Variants in LPP observed in about 807,000 individuals in gnomAD.
LPP encodes LIM domain containing preferred translocation partner in lipoma.
LPP carries 38 observed loss-of-function variants against 60.4 expected under a neutral mutation model. The ratio of observed to expected loss-of-function variants is 0.63; its 90% CI spans 0.49 to 0.83. LPP has a LOEUF of 0.83. Among genes scored for constraint, LPP ranks in the 40% least tolerant of loss-of-function variants. The pLI is 0.00. For synonymous variants in LPP, 328 were observed against 290.8 expected (o/e 1.13, Z -1.30); for missense variants, 902 against 783.6 (o/e 1.15, Z -1.80).
chr3:188,164,256 A>G (rs986852724), intron 1 of LPP, among the ~76,000 whole-genome samples: 1 of 152,130 alleles, frequency 6.6e-6, no homozygotes, highest in African/African-American at 2.4e-5. Flanking sequence ...TTAAGGAATA[A>G]GATTGGTTCT....
intron 6 of LPP, among the ~76,000 whole-genome samples, chr3:188,589,009 G>A (rs7618261): frequency 0.95 from 144,747 of 152,024 alleles, 69,315 homozygotes; most frequent in East Asian, 1. Flanking sequence ...CTGGTGTGTG[G>A]ACTTCTTGAG....
intron 2 of LPP, among the ~76,000 whole-genome samples, chr3:188,263,148 C>G (rs1235942083): frequency 6.6e-6 from 1 of 152,146 alleles, no homozygotes; most frequent in Non-Finnish European, 1.5e-5. Flanking sequence ...CAGATGGGAA[C>G]AAACTATTCC....
intron 2 of LPP, among the ~76,000 whole-genome samples, chr3:188,334,578 G>A (rs183204761): frequency 7.9e-4 from 120 of 151,796 alleles, no homozygotes; most frequent in African/African-American, 2.5e-3. Context: ...CTACAGACGC[G>A]CGCTACCACG....
At chr3:188,689,237 C>A (rs1861571590) in intron 7 of LPP, among the ~76,000 whole-genome samples, 2 of 152,206 alleles carry the variant, frequency 1.3e-5, no homozygotes, top group Non-Finnish European at 1.5e-5. Context: ...GTGATCAAAT[C>A]ACTGGCTCTA....
At position 188,217,011 on chromosome 3, in the gene LPP, G is replaced by A. The variant is rs536651284; in HGVS notation, c.-189-8394G>A. On this transcript the variant is annotated intron_variant, in intron 1 of 11. Coordinates refer to ENST00000617246, the MANE Select transcript of LPP (RefSeq NM_001375462.1). The surrounding 1 kb of genome is among the most constrained non-coding windows in gnomAD (Gnocchi z 4.0). ...TTGCACTGTTCTGGGCATTATCCCA[G>A]TACTCGATTTAGAGCAAAGAGTAAG... is the stretch of plus-strand genomic sequence containing the variant. Among the ~76,000 whole-genome samples, 76 of 152,326 alleles carry A rather than the reference G, an allele frequency of 5.0e-4. No individual in the cohort carries two copies. The highest frequency in any genetic ancestry group is 2.3e-3 in the Admixed American group (35 of 15,306).
In LPP at chr3:188,877,203, G is replaced by A. The variant is rs1196207867; in HGVS notation, c.*2724G>A. ...AACAATGCCAAGTCACTCTTTTTTA[G>A]TTGCATGAAATTTTGCCTGCAACAG... On this transcript the variant is annotated 3_prime_UTR_variant, in exon 12 of 12. Coordinates refer to ENST00000617246, the MANE Select transcript of LPP (RefSeq NM_001375462.1). The A allele has an allele frequency of 5.7e-6, 1 of 174,802 alleles. No homozygotes were observed. The highest frequency in any genetic ancestry group is 1.2e-5 in the Non-Finnish European group (1 of 81,272). 10.8% of individuals were successfully genotyped at this position (174,802 alleles called of 1,614,324 possible). A position where few individuals can be genotyped will look rare whatever the true frequency, so the allele number is the denominator to read the frequency against.
At chr3:188,649,392 A>G (rs1851672478) in intron 7 of LPP, among the ~76,000 whole-genome samples, 1 of 152,202 alleles carries the variant, frequency 6.6e-6, no homozygotes, top group Non-Finnish European at 1.5e-5. Flanking sequence ...TGACAGCTAC[A>G]TCACTGTGAT....
chr3:188,663,935 T>C (rs1183559990), intron 7 of LPP, among the ~76,000 whole-genome samples: 1 of 152,208 alleles, frequency 6.6e-6, no homozygotes, highest in African/African-American at 2.4e-5. Context: ...GAGCTCCGGC[T>C]GTAATGCTGG....
At chr3:188,365,380 G>C (rs530763351) in intron 3 of LPP, among the ~76,000 whole-genome samples, 1 of 152,300 alleles carries the variant, frequency 6.6e-6, no homozygotes, top group African/African-American at 2.4e-5. Flanking sequence ...GTGTTTCCAC[G>C]CTGTGTCTGT....
At chr3:188,744,432 G>A (rs1725456270) in intron 8 of LPP, among the ~76,000 whole-genome samples, 1 of 152,076 alleles carries the variant, frequency 6.6e-6, no homozygotes, top group Non-Finnish European at 1.5e-5. Context: ...ACTGCCAACT[G>A]CTGATATCAT....
intron 9 of LPP, among the ~76,000 whole-genome samples, chr3:188,782,013 C>A (rs994408231): frequency 6.6e-6 from 1 of 152,062 alleles, no homozygotes; most frequent in African/African-American, 2.4e-5. Context: ...GGGGACACAG[C>A]CAAACCATAT....
chr3:188,760,184 C>T lies in LPP; in HGVS notation c.1312C>T (p.His438Tyr), dbSNP rs1447232918. ...ATGCACTGCCATGGATCAGGTCTTC[C>T]ACGTGGATTGTTTTACCTGCATCAT... ...TGCTAMDQVF[H>Y]VDCFTCIICN... Residue 438 changes from histidine (H) to tyrosine (Y), a missense_variant, in exon 9 of 12, where the codon CAC (histidine) becomes TAC (tyrosine). His to Tyr is a moderately conservative substitution (Grantham distance 83, BLOSUM62 2). Coordinates refer to ENST00000617246, the MANE Select transcript of LPP (RefSeq NM_001375462.1). 1 of 1,613,982 alleles carries T rather than the reference C, an allele frequency of 6.2e-7. No individual in the cohort carries two copies. Among genetic ancestry groups the T allele is most frequent in the Non-Finnish European group, 8.5e-7 (1 of 1,179,960 alleles).
chr3:188,385,613 C>T (rs561016399), intron 3 of LPP, among the ~76,000 whole-genome samples: 1 of 152,306 alleles, frequency 6.6e-6, no homozygotes, highest in South Asian at 2.1e-4. Context: ...CATATCTCTG[C>T]AGATTTCTCT....
chr3:188,240,758 A>T, intron 2 of LPP, among the ~76,000 whole-genome samples: 1 of 152,230 alleles, frequency 6.6e-6, no homozygotes, highest in South Asian at 2.1e-4. Context: ...GGAGCATGGC[A>T]AGGGAGGGGC....
intron 3 of LPP, among the ~76,000 whole-genome samples, chr3:188,381,564 T>G (rs1335552783): frequency 6.6e-6 from 1 of 152,208 alleles, no homozygotes; most frequent in Non-Finnish European, 1.5e-5. Flanking sequence ...GCCAGTGCTT[T>G]ACACTGGTAC....
intron 2 of LPP, among the ~76,000 whole-genome samples, chr3:188,274,285 C>G (rs6790437): frequency 6.6e-6 from 1 of 152,088 alleles, no homozygotes; most frequent in Non-Finnish European, 1.5e-5. Context: ...GGAACATGCT[C>G]TGTGTTTCTG....
At chr3:188,488,118 C>T (rs796504448) in intron 5 of LPP, among the ~76,000 whole-genome samples, 10 of 150,684 alleles carry the variant, frequency 6.6e-5, no homozygotes, top group African/African-American at 2.2e-4. Context: ...AAAATCTTGA[C>T]TCCTGGCCTT....
chr3:188,835,275 T>C (rs944619100), intron 9 of LPP, among the ~76,000 whole-genome samples: 3 of 144,158 alleles, frequency 2.1e-5, no homozygotes, highest in African/African-American at 7.8e-5. Context: ...CTAGCCAATA[T>C]GGTGAAAACT....
intron 5 of LPP, among the ~76,000 whole-genome samples, chr3:188,514,377 C>T (rs561189689): frequency 6.6e-6 from 1 of 152,180 alleles, no homozygotes; most frequent in African/African-American, 2.4e-5. Context: ...TAACCATGTA[C>T]ATCATCTTTT....
Sources: allele counts gnomAD v4.1 joint callset (sites outside exome capture counted in the v4.1 genomes callset), GRCh38; gene constraint gnomAD v4.1.1; non-coding constraint Gnocchi (gnomAD v3.1); transcripts MANE v1.5; gene names NCBI Gene and HGNC (gene_info 2026-07-23, HGNC 2026-07-21).